The following PTPRD variants were observed in gnomAD, a reference collection of about 807,000 sequenced individuals.
PTPRD encodes the protein protein tyrosine phosphatase receptor type D.
PTPRD carries 34 observed loss-of-function variants against 214.5 expected under a neutral mutation model. The observed-to-expected ratio is 0.16, with a 90% CI of 0.12 to 0.21. The LOEUF (loss-of-function observed/expected upper bound fraction) is 0.21, where lower values mean the gene tolerates loss of function less well. PTPRD is among the 10% of genes least tolerant of loss of function. The pLI is 1.00. For synonymous variants in PTPRD, 1,128 were observed against 845.7 expected (o/e 1.33, Z -5.79); for missense variants, 2,545 against 2,398.7 (o/e 1.06, Z -1.27).
At chr9:10,178,856 G>A (rs977801856) in intron 3 of PTPRD, among the ~76,000 whole-genome samples, 1 of 151,814 alleles carries the variant, frequency 6.6e-6, no homozygotes, top group African/African-American at 2.4e-5. Flanking sequence ...GCACACTGGG[G>A]GATAAAATGT....
chr9:9,282,123 T>C (rs749630465), intron 9 of PTPRD, among the ~76,000 whole-genome samples: 6 of 151,356 alleles, frequency 4.0e-5, no homozygotes, highest in Non-Finnish European at 8.9e-5. Flanking sequence ...ATAGGTGAAG[T>C]ATAGAGGACT....
At chr9:9,285,764 C>G (rs1049432884) in intron 9 of PTPRD, among the ~76,000 whole-genome samples, 2 of 151,772 alleles carry the variant, frequency 1.3e-5, no homozygotes, top group Non-Finnish European at 2.9e-5. Context: ...AACTTTGATC[C>G]TCATTTGTTT....
intron 11 of PTPRD, among the ~76,000 whole-genome samples, chr9:8,836,551 A>AATTTTAG (rs2097426319): frequency 6.8e-6 from 1 of 146,158 alleles, no homozygotes; most frequent in Non-Finnish European, 1.5e-5. Flanking sequence ...TTTTTAAAGT[A>AATTTTAG]ATTTTAGGTC....
At chr9:10,506,951 C>A (rs891767960) in intron 2 of PTPRD, among the ~76,000 whole-genome samples, 1 of 151,990 alleles carries the variant, frequency 6.6e-6, no homozygotes, top group Non-Finnish European at 1.5e-5. Flanking sequence ...TGCCTGATTG[C>A]CCTGGCCAGA....
At chr9:8,646,880 C>A (rs931475291) in intron 12 of PTPRD, among the ~76,000 whole-genome samples, 57 of 152,304 alleles carry the variant, frequency 3.7e-4, no homozygotes, top group African/African-American at 1.3e-3. Flanking sequence ...CAGATACTAT[C>A]CCCTAATCCT....
At chr9:9,121,020 C>T (rs1352656942) in intron 10 of PTPRD, among the ~76,000 whole-genome samples, 5 of 152,118 alleles carry the variant, frequency 3.3e-5, no homozygotes, top group Non-Finnish European at 5.9e-5. Context: ...TTATTATCTG[C>T]TTTTAGCGGT....
chr9:8,837,243 G>T (rs2097449299), intron 11 of PTPRD, among the ~76,000 whole-genome samples: 1 of 150,964 alleles, frequency 6.6e-6, no homozygotes, highest in Non-Finnish European at 1.5e-5. Context: ...TCAAACTCCT[G>T]GCCTCAAGTG....
chr9:8,699,343 A>G (rs2098016270), intron 12 of PTPRD, among the ~76,000 whole-genome samples: 1 of 152,206 alleles, frequency 6.6e-6, no homozygotes, highest in Admixed American at 6.5e-5. Flanking sequence ...AACTCTGTCA[A>G]TACACCTCAT....
chr9:9,600,187 T>C (rs2093645979), intron 7 of PTPRD, among the ~76,000 whole-genome samples: 1 of 152,084 alleles, frequency 6.6e-6, no homozygotes, highest in South Asian at 2.1e-4. Flanking sequence ...AGAAAGACTT[T>C]CTAGCAAGGT....
chr9:8,802,512 G>A (rs765395586), intron 11 of PTPRD, among the ~76,000 whole-genome samples: 13 of 152,204 alleles, frequency 8.5e-5, no homozygotes, highest in Non-Finnish European at 1.6e-4. Context: ...CAAATAAACT[G>A]AGTAATAGCC....
At chr9:8,540,279 T>C (rs1482816073) in intron 14 of PTPRD, among the ~76,000 whole-genome samples, 2 of 152,164 alleles carry the variant, frequency 1.3e-5, no homozygotes, top group African/African-American at 4.8e-5. Flanking sequence ...CAAACATTCT[T>C]AAATATATAC....
In PTPRD at chr9:8,381,046, T is replaced by C. The variant is rs1429040522; in HGVS notation, c.4387-4320A>G. 2.0e-5 allele frequency among the ~76,000 whole-genome samples: 3 copies of C among 152,178 alleles called. No homozygotes were observed. In the South Asian group the frequency reaches 6.2e-4, roughly 31 times the overall value. On this transcript the variant is annotated intron_variant, in intron 37 of 45. Transcript: ENST00000381196. Reference sequence around the variant, plus strand: ...CAAAACGTATTTGCCACGAGATTATTTAGCCAAAGAAGGACTTAGAAGAGG... The same window carrying C: ...CAAAACGTATTTGCCACGAGATTATCTAGCCAAAGAAGGACTTAGAAGAGG...
At chr9:9,508,469 C>G (rs1175541998) in intron 8 of PTPRD, among the ~76,000 whole-genome samples, 4 of 151,558 alleles carry the variant, frequency 2.6e-5, no homozygotes, top group African/African-American at 2.4e-5. Context: ...ACAATACAAC[C>G]CAACAACTTA....
Position 8,465,518 on chromosome 9 carries a change from C to T in PTPRD, c.3662G>A (p.Ser1221Asn), listed in dbSNP as rs1411183359. 1.9e-6 allele frequency: 3 copies of T among 1,612,616 alleles called. No homozygotes were observed. Among genetic ancestry groups the T allele is most frequent in the Admixed American group, 1.7e-5 (1 of 59,910 alleles). The change falls in exon 32 of 46, where the codon AGT (serine) becomes AAT (asparagine). Residue 1221 changes from serine (S) to asparagine (N), a missense_variant. Coordinates refer to ENST00000381196, the MANE Select transcript of PTPRD (RefSeq NM_002839.4). Reference sequence around the variant, plus strand: ...CACAAAGAAGACATATTCTTGACCACTTTGGAGTTGCTTGTTTGTAAATCC... The same window carrying T: ...CACAAAGAAGACATATTCTTGACCATTTTGGAGTTGCTTGTTTGTAAATCC... ...YGGFTNKQLQ[S>N]GQEYVFFVLA...
At chr9:9,579,626 C>G (rs1173332396) in intron 7 of PTPRD, among the ~76,000 whole-genome samples, 1 of 152,024 alleles carries the variant, frequency 6.6e-6, no homozygotes, top group Non-Finnish European at 1.5e-5. Context: ...AGTGTTGTTC[C>G]CCTCCCTGTA....
chr9:10,129,156 G>A (rs1489161885), intron 3 of PTPRD, among the ~76,000 whole-genome samples: 1 of 152,108 alleles, frequency 6.6e-6, no homozygotes, highest in African/African-American at 2.4e-5. Flanking sequence ...GTTTGTGTAT[G>A]AATTTAAAAG....
chr9:9,829,213 C>T (rs1442370829), intron 5 of PTPRD, among the ~76,000 whole-genome samples: 1 of 151,800 alleles, frequency 6.6e-6, no homozygotes, highest in African/African-American at 2.4e-5. Context: ...TTTCTATAAA[C>T]TGGTAGCATG....
At chr9:10,512,020 A>G (rs1267105889) in intron 2 of PTPRD, among the ~76,000 whole-genome samples, 4 of 60,488 alleles carry the variant, frequency 6.6e-5, no homozygotes, top group African/African-American at 1.8e-4. Flanking sequence ...ACGTGTGTGT[A>G]TATATATATG....
At chr9:9,347,324 A>G (rs1249522238) in intron 9 of PTPRD, among the ~76,000 whole-genome samples, 1 of 149,532 alleles carries the variant, frequency 6.7e-6, no homozygotes, top group Non-Finnish European at 1.5e-5. Context: ...ATATATAAAT[A>G]TATATATATA....
Sources: gnomAD v4.1 joint callset for allele counts (sites outside exome capture counted in the v4.1 genomes callset) on GRCh38, gnomAD v4.1.1 for gene constraint, MANE v1.5 for transcripts, NCBI Gene and HGNC (gene_info 2026-07-23, HGNC 2026-07-21) for gene names.